Variants in ZNRF3 observed in about 807,000 individuals in gnomAD.
The protein encoded by ZNRF3 is E3 ubiquitin-protein ligase ZNRF3.
A neutral mutation model predicts 72.5 loss-of-function variants in ZNRF3; 23 were observed. The observed-to-expected ratio is 0.32, with a 90% confidence interval of 0.23 to 0.45. The LOEUF (loss-of-function observed/expected upper bound fraction) is 0.45. Ranked by LOEUF, ZNRF3 falls within the 20% of genes least tolerant of loss-of-function variation. The probability of loss-of-function intolerance (pLI) is 1.00; values close to 1 mark genes in which losing one functional copy is unlikely to be tolerated. For missense variants in ZNRF3, 1,169 were observed against 1,272.1 expected, an observed-to-expected ratio of 0.92 and a Z score of 1.23; for synonymous variants, 610 against 545.3, an observed-to-expected ratio of 1.12 and a Z score of -1.65.
intron 2 of ZNRF3, among the ~76,000 whole-genome samples, chr22:29,002,503 C>T (rs1173323812): frequency 2.0e-5 from 3 of 152,166 alleles, no homozygotes; most frequent in Admixed American, 6.6e-5. Flanking sequence ...ACCCCTGCTG[C>T]GCTTTCGGTG....
At chr22:28,891,520 G>T (rs1341845802) in intron 1 of ZNRF3, among the ~76,000 whole-genome samples, 3 of 152,264 alleles carry the variant, frequency 2.0e-5, no homozygotes, top group Non-Finnish European at 4.4e-5. Context: ...ACTGGGCACA[G>T]TGCTTTGCTC....
In ZNRF3 at chr22:29,006,213, C is replaced by CTTTTTT. The variant is rs372438825; in HGVS notation, c.426+19026_426+19031dup. Among the ~76,000 whole-genome samples, 913 of 106,422 alleles carry CTTTTTT rather than the reference C, an allele frequency of 8.6e-3. 14 individuals are homozygous for CTTTTTT. The highest frequency in any genetic ancestry group is 0.022 in the African/African-American group (587 of 26,968). The allele number at this position is 106,422 out of a possible 152,430, so 69.8% of individuals were successfully genotyped here. A position where few individuals can be genotyped will look rare whatever the true frequency, so the allele number is the denominator to read the frequency against. On this transcript the variant is annotated intron_variant, in intron 2 of 8. Transcript: ENST00000544604. ...TGATCAAGGTTCTTATCATCCGTTTCTTTTTTTTTTTTTTTTTTTGAGACA... is the reference window on the plus strand; with the variant it reads ...TGATCAAGGTTCTTATCATCCGTTTCTTTTTTTTTTTTTTTTTTTTTTTTTGAGACA...
At chr22:28,986,394 C>T (rs747399822) in intron 1 of ZNRF3, among the ~76,000 whole-genome samples, 3 of 152,236 alleles carry the variant, frequency 2.0e-5, no homozygotes, top group Non-Finnish European at 2.9e-5. Context: ...CCTGGTACCA[C>T]TCAGTGATAG....
intron 1 of ZNRF3, among the ~76,000 whole-genome samples, chr22:28,931,818 C>T (rs778941873): frequency 7.2e-5 from 11 of 152,240 alleles, no homozygotes; most frequent in Non-Finnish European, 1.5e-4. Context: ...GAGGACTCTT[C>T]CTGCCCAGTT....
At chr22:28,913,372 A>G (rs2034352744) in intron 1 of ZNRF3, among the ~76,000 whole-genome samples, 1 of 152,234 alleles carries the variant, frequency 6.6e-6, no homozygotes, top group African/African-American at 2.4e-5. Context: ...GTACTTGATC[A>G]CAGAACTTTT....
chr22:28,916,892 C>A (rs2034416331), intron 1 of ZNRF3, among the ~76,000 whole-genome samples: 1 of 152,108 alleles, frequency 6.6e-6, no homozygotes, highest in Non-Finnish European at 1.5e-5. Flanking sequence ...CTTGGAGTTC[C>A]TTTCTTTGAA....
rs1470269241 is a variant in ZNRF3 at position 28,902,392 on chromosome 22, T to C, written c.300+18326T>C. On this transcript the variant is annotated intron_variant, in intron 1 of 8. Coordinates refer to ENST00000544604, the MANE Select transcript of ZNRF3 (RefSeq NM_001206998.2). ...CAGCATTTGCCAGGCCTTTTTTTTT[T>C]CTTTTTTTGAGATGGGATCTCACTC... 3.9e-5 allele frequency among the ~76,000 whole-genome samples: 6 copies of C among 152,016 alleles called. 2 individuals are homozygous for C. Among genetic ancestry groups the C allele is most frequent in the Non-Finnish European group, 1.5e-5 (1 of 67,972 alleles).
intron 1 of ZNRF3, among the ~76,000 whole-genome samples, chr22:28,907,525 A>AT (rs1399631740): frequency 6.6e-6 from 1 of 152,154 alleles, no homozygotes; most frequent in African/African-American, 2.4e-5. Context: ...CAGTGCCCAG[A>AT]TGGTGTCCGT....
chr22:29,050,416 G>C lies in ZNRF3; in HGVS notation c.2235G>C (p.Pro745=). 6.2e-7 allele frequency: 1 copy of C among 1,607,136 alleles called. No homozygotes were observed. Among genetic ancestry groups the C allele is most frequent in the Non-Finnish European group, 8.5e-7 (1 of 1,176,436 alleles). Residue 745 remains proline (P), a synonymous_variant, in exon 8 of 9, where the codon CCG becomes CCC. Transcript: ENST00000544604. ...CCCACCTCTACGAGGGCTCTGGCCCGGCGGGTGGGGAGCCCCAGTCAGGAA... is the reference window on the plus strand; with the variant it reads ...CCCACCTCTACGAGGGCTCTGGCCCCGCGGGTGGGGAGCCCCAGTCAGGAA... ...LGPHLYEGSG[P]AGGEPQSGSS...
At chr22:28,946,912 C>A (rs2035062532) in intron 1 of ZNRF3, among the ~76,000 whole-genome samples, 1 of 152,104 alleles carries the variant, frequency 6.6e-6, no homozygotes. Flanking sequence ...GCTTCCTCAG[C>A]CTTCACTGTC....
intron 1 of ZNRF3, among the ~76,000 whole-genome samples, chr22:28,955,461 T>C (rs1472232310): frequency 1.3e-5 from 2 of 152,224 alleles, no homozygotes; most frequent in Non-Finnish European, 2.9e-5. Flanking sequence ...TCCTCCTGTG[T>C]ACCACCTTGC....
chr22:29,021,728 C>G (rs1490501207), intron 2 of ZNRF3, among the ~76,000 whole-genome samples: 1 of 151,720 alleles, frequency 6.6e-6, no homozygotes, highest in African/African-American at 2.4e-5. Context: ...CCTCAAATGA[C>G]CCACCCACCT....
chr22:28,960,019 A>G lies in ZNRF3; in HGVS notation c.301-27057A>G, dbSNP rs541708049. 4.6e-5 allele frequency among the ~76,000 whole-genome samples: 7 copies of G among 152,370 alleles called. No individual in the cohort carries two copies. In the South Asian group the frequency reaches 1.4e-3, roughly 32 times the overall value. On this transcript the variant is annotated intron_variant, in intron 1 of 8. Transcript: ENST00000544604. ...GGTACTTTGTTATGATAGCCTGAGC[A>G]GACTGAGATACTTAGTTCAGATAGA...
intron 1 of ZNRF3, among the ~76,000 whole-genome samples, chr22:28,931,952 A>G (rs1485333810): frequency 6.6e-6 from 1 of 152,250 alleles, no homozygotes; most frequent in East Asian, 1.9e-4. Context: ...GGCAGATGGC[A>G]TAATGGGGAT....
At chr22:28,976,762 G>C (rs1379249764) in intron 1 of ZNRF3, among the ~76,000 whole-genome samples, 1 of 152,054 alleles carries the variant, frequency 6.6e-6, no homozygotes, top group African/African-American at 2.4e-5. Flanking sequence ...TTGTCATCTG[G>C]TAGGCACATG....
chr22:28,932,562 A>G lies in ZNRF3; in HGVS notation c.300+48496A>G, dbSNP rs550045029. On this transcript the variant is annotated intron_variant, in intron 1 of 8. Transcript: ENST00000544604. ...TGTGCGCATGTCCTTGTGATCTATC[A>G]CCATGCTGCTGCTCATCTTGATCTA... Among the ~76,000 whole-genome samples, 33 of 152,220 alleles carry G rather than the reference A, an allele frequency of 2.2e-4. 1 individual carries two copies. In the South Asian group the frequency reaches 6.6e-3, roughly 31 times the overall value.
chr22:28,929,445 T>C (rs1364930810), intron 1 of ZNRF3, among the ~76,000 whole-genome samples: 1 of 152,190 alleles, frequency 6.6e-6, no homozygotes, highest in South Asian at 2.1e-4. Flanking sequence ...TTCCCAGTTA[T>C]GACAACTAGA....
intron 2 of ZNRF3, among the ~76,000 whole-genome samples, chr22:29,021,299 G>A (rs1409790866): frequency 1.3e-5 from 2 of 152,038 alleles, no homozygotes; most frequent in Non-Finnish European, 2.9e-5. Flanking sequence ...GTAGATAGCA[G>A]AAGGAGGTAT....
At position 28,889,538 on chromosome 22, in the gene ZNRF3, C is replaced by T. The variant is rs191736862; in HGVS notation, c.300+5472C>T. 1.3e-3 allele frequency among the ~76,000 whole-genome samples: 201 copies of T among 152,300 alleles called. 1 individual carries two copies. The highest frequency in any genetic ancestry group is 4.6e-3 in the African/African-American group (190 of 41,558). On this transcript the variant is annotated intron_variant, in intron 1 of 8. Transcript: ENST00000544604. ...TATCACAGCCCTATTCTGTACCAGACACTGTATTGCTGTTGTCTTCTGGAG... is the reference window on the plus strand; with the variant it reads ...TATCACAGCCCTATTCTGTACCAGATACTGTATTGCTGTTGTCTTCTGGAG...
Sources: gnomAD v4.1 joint callset for allele counts (sites outside exome capture counted in the v4.1 genomes callset) on GRCh38, gnomAD v4.1.1 for gene constraint, MANE v1.5 for transcripts, NCBI Gene and HGNC (gene_info 2026-07-23, HGNC 2026-07-21) for gene names.